Variants in TBC1D4 observed in about 807,000 individuals in gnomAD.
The protein encoded by TBC1D4 is TBC (Tre-2, BUB2, CDC16) domain-containing protein.
Under a neutral mutation model 142.5 loss-of-function variants are expected in TBC1D4, and 121 were observed. The observed-to-expected ratio is 0.85, with a 90% CI of 0.73 to 0.99. TBC1D4 has a LOEUF of 0.99. Ranked by LOEUF, TBC1D4 falls within the 50% of genes least tolerant of loss-of-function variation. The probability of loss-of-function intolerance (pLI) is 0.00; values close to 1 mark genes in which losing one functional copy is unlikely to be tolerated. For missense variants in TBC1D4, 1,475 were observed against 1,606.6 expected (o/e 0.92, Z 1.40); for synonymous variants, 630 against 628.2 (o/e 1.00, Z -0.04).
At chr13:75,422,443 A>G (rs1411069631) in intron 1 of TBC1D4, among the ~76,000 whole-genome samples, 1 of 152,244 alleles carries the variant, frequency 6.6e-6, no homozygotes, top group East Asian at 1.9e-4. Flanking sequence ...TCTGGTATCA[A>G]GCAAAAAGTC....
chr13:75,428,516 A>T (rs1476327521), intron 1 of TBC1D4, among the ~76,000 whole-genome samples: 3 of 152,202 alleles, frequency 2.0e-5, no homozygotes, highest in African/African-American at 7.2e-5. Context: ...ACAAGTCAGG[A>T]ATTAATGTAT....
At chr13:75,465,753 C>T (rs2138301897) in intron 1 of TBC1D4, among the ~76,000 whole-genome samples, 1 of 152,262 alleles carries the variant, frequency 6.6e-6, no homozygotes, top group African/African-American at 2.4e-5. Flanking sequence ...TTAAGTCTGA[C>T]AAGAAACATT....
intron 16 of TBC1D4, among the ~76,000 whole-genome samples, chr13:75,300,011 A>G (rs1364277199): frequency 6.6e-6 from 1 of 152,156 alleles, no homozygotes; most frequent in Non-Finnish European, 1.5e-5. Flanking sequence ...TATTTAAAAG[A>G]AAATCTTCAT....
chr13:75,362,233 G>A lies in TBC1D4; in HGVS notation c.873C>T (p.Ser291=). Residue 291 remains serine, a synonymous_variant, in exon 2 of 21, where the codon AGC becomes AGT. Transcript: ENST00000377636. The surrounding 1 kb of genome is among the most constrained non-coding windows in gnomAD (Gnocchi z 4.2). The part of the protein sequence containing the change: ...PAGASQPALT[S]SRVCFPERIL... Reference sequence around the variant, plus strand: ...TCCGCTCAGGGAAGCAGACCCGAGAGCTGGTCAGGGCAGGCTGGCTGGCCC... The same window carrying A: ...TCCGCTCAGGGAAGCAGACCCGAGAACTGGTCAGGGCAGGCTGGCTGGCCC... 6.2e-7 allele frequency: 1 copy of A among 1,613,936 alleles called. No individual in the cohort carries two copies. The highest frequency in any genetic ancestry group is 1.1e-5 in the South Asian group (1 of 91,088).
At chr13:75,481,160 C>T (rs1181900110) in intron 1 of TBC1D4, 110 bp downstream of exon 1, 27 of 1,445,436 alleles carry the variant, frequency 1.9e-5, no homozygotes, top group Middle Eastern at 2.5e-4. Context: ...GCGCGCGCGC[C>T]TGCAGCCAAA....
intron 7 of TBC1D4, among the ~76,000 whole-genome samples, chr13:75,339,980 C>A (rs1880547006): frequency 6.6e-6 from 1 of 152,228 alleles, no homozygotes; most frequent in Non-Finnish European, 1.5e-5. Context: ...TTACTCTCTA[C>A]TCCAGCTCCA....
chr13:75,417,350 CT>C (rs1462914343), intron 1 of TBC1D4, among the ~76,000 whole-genome samples: 1 of 152,196 alleles, frequency 6.6e-6, no homozygotes, highest in East Asian at 1.9e-4. Flanking sequence ...CCTGCACCAC[CT>C]GCCCCGGGTA....
chr13:75,343,839 TTA>T (rs1362816681), intron 5 of TBC1D4, among the ~76,000 whole-genome samples: 1 of 149,288 alleles, frequency 6.7e-6, no homozygotes, highest in Non-Finnish European at 1.5e-5. Flanking sequence ...TTATTTTACT[TTA>T]TTTTATTTTA....
At chr13:75,381,578 A>G (rs1279354639) in intron 1 of TBC1D4, among the ~76,000 whole-genome samples, 2 of 152,210 alleles carry the variant, frequency 1.3e-5, no homozygotes, top group Non-Finnish European at 2.9e-5. Flanking sequence ...TCACCTTGAA[A>G]TGAACCCCCC....
chr13:75,452,860 G>C (rs535386412), intron 1 of TBC1D4, among the ~76,000 whole-genome samples: 1 of 152,258 alleles, frequency 6.6e-6, no homozygotes, highest in East Asian at 1.9e-4. Flanking sequence ...TAAAGTGTCT[G>C]TTTCCAGCTT....
chr13:75,292,183 C>T lies in TBC1D4; in HGVS notation c.3405G>A (p.Glu1135=), dbSNP rs540075377. 2 of 1,613,494 alleles carry T rather than the reference C, an allele frequency of 1.2e-6. No homozygotes were observed. Among genetic ancestry groups the T allele is most frequent in the African/African-American group, 2.7e-5 (2 of 75,010 alleles). ...SSQETLIMEC[E]SFENIVEFLK... is the part of the protein sequence containing the mutation. Reference sequence around the variant, plus strand: ...GAAACTCAACAATATTTTCAAAGCTCTCACATTCCATTATAAGTGTCTCTT... The same window carrying T: ...GAAACTCAACAATATTTTCAAAGCTTTCACATTCCATTATAAGTGTCTCTT... The change falls in exon 19 of 21, where the codon GAG becomes GAA. Residue 1135 remains glutamate (E), a synonymous_variant. Coordinates refer to ENST00000377636, the MANE Select transcript of TBC1D4 (RefSeq NM_014832.5).
chr13:75,295,731 T>C (rs1175977781), intron 17 of TBC1D4, among the ~76,000 whole-genome samples: 2 of 152,218 alleles, frequency 1.3e-5, no homozygotes, highest in African/African-American at 2.4e-5. Flanking sequence ...TTTAAACTCA[T>C]ATCTGTGATA....
intron 1 of TBC1D4, among the ~76,000 whole-genome samples, chr13:75,447,671 C>A (rs148325624): frequency 0.013 from 1,957 of 152,188 alleles, 25 homozygotes; most frequent in Non-Finnish European, 0.022. Context: ...AGGAGGTGAG[C>A]GGCAGGTGAG....
chr13:75,314,740 G>A (rs1396046992), intron 12 of TBC1D4, among the ~76,000 whole-genome samples: 1 of 151,866 alleles, frequency 6.6e-6, no homozygotes, highest in East Asian at 1.9e-4. Flanking sequence ...GCCGAGGCAG[G>A]CGGATCACCT....
chr13:75,351,454 A>G (rs1593774647), intron 4 of TBC1D4, among the ~76,000 whole-genome samples: 1 of 151,992 alleles, frequency 6.6e-6, no homozygotes, highest in Middle Eastern at 3.2e-3. Flanking sequence ...GTTTTAGGGT[A>G]CATGTGCACA....
chr13:75,353,211 C>A (rs1352590119), intron 4 of TBC1D4, among the ~76,000 whole-genome samples: 1 of 152,114 alleles, frequency 6.6e-6, no homozygotes, highest in Non-Finnish European at 1.5e-5. Flanking sequence ...TACTGTGATT[C>A]CCTGTTTCCA....
At chr13:75,398,108 C>T (rs766895629) in intron 1 of TBC1D4, among the ~76,000 whole-genome samples, 4 of 152,198 alleles carry the variant, frequency 2.6e-5, no homozygotes, top group Non-Finnish European at 5.9e-5. Context: ...AGGCTTCACA[C>T]ACAAGAGGGA....
At chr13:75,345,703 G>C (rs2138097787) in intron 5 of TBC1D4, among the ~76,000 whole-genome samples, 1 of 151,598 alleles carries the variant, frequency 6.6e-6, no homozygotes, top group East Asian at 1.9e-4. Flanking sequence ...GACCAGCCTG[G>C]GCAACATGGT....
chr13:75,458,557 C>T (rs147814133), intron 1 of TBC1D4, among the ~76,000 whole-genome samples: 4 of 152,112 alleles, frequency 2.6e-5, no homozygotes, highest in Non-Finnish European at 5.9e-5. Flanking sequence ...GATGGGGAAC[C>T]GCCCTCTTTT....
Sources: allele counts gnomAD v4.1 joint callset (sites outside exome capture counted in the v4.1 genomes callset), GRCh38; gene constraint gnomAD v4.1.1; non-coding constraint Gnocchi (gnomAD v3.1); transcripts MANE v1.5; gene names NCBI Gene and HGNC (gene_info 2026-07-23, HGNC 2026-07-21).